The following PPP1R36 variants were observed in gnomAD, a reference collection of about 807,000 sequenced individuals.
PPP1R36 encodes the protein chromosome 14 open reading frame 50.
In PPP1R36, 47 loss-of-function variants were observed where a neutral mutation model predicts 53.4. The ratio of observed to expected loss-of-function variants is 0.88; its 90% CI spans 0.70 to 1.12. PPP1R36 has a LOEUF of 1.12. Among genes scored for constraint, PPP1R36 ranks in the 50% most tolerant of loss-of-function variants. The pLI is 0.00. For missense variants in PPP1R36, 456 were observed against 513.9 expected, an observed-to-expected ratio of 0.89 and a Z score of 1.09; for synonymous variants, 153 against 170.5, an observed-to-expected ratio of 0.90 and a Z score of 0.80.
chr14:64,552,687 CAAAT>C (rs1178229668), intron 2 of PPP1R36, 123 bp from the exon 3 acceptor site: 9 of 676,132 alleles, frequency 1.3e-5, no homozygotes, highest in Admixed American at 2.6e-5. Context: ...GATAATTAAA[CAAAT>C]AATTCAAAGG....
At chr14:64,579,735 C>T (rs887045155) in intron 8 of PPP1R36, among the ~76,000 whole-genome samples, 1 of 152,036 alleles carries the variant, frequency 6.6e-6, no homozygotes, top group Non-Finnish European at 1.5e-5. Flanking sequence ...CTTTGGGAGG[C>T]CGAGGTGAGC....
intron 8 of PPP1R36, among the ~76,000 whole-genome samples, chr14:64,581,063 T>C (rs924010546): frequency 1.1e-4 from 16 of 152,150 alleles, no homozygotes; most frequent in African/African-American, 3.9e-4. Context: ...CTCTGATGGC[T>C]TGTAAGCAAG....
intron 7 of PPP1R36, among the ~76,000 whole-genome samples, chr14:64,570,659 G>A (rs1301717392): frequency 6.6e-6 from 1 of 152,152 alleles, no homozygotes; most frequent in Non-Finnish European, 1.5e-5. Context: ...AGAGCATAGG[G>A]ATAGTAATAG....
At chr14:64,562,180 G>A (rs2080210836) in intron 3 of PPP1R36, among the ~76,000 whole-genome samples, 1 of 152,118 alleles carries the variant, frequency 6.6e-6, no homozygotes, top group Non-Finnish European at 1.5e-5. Flanking sequence ...TCAATTATTG[G>A]CTGGGCGCGG....
chr14:64,582,757 A>G (rs2080399070), intron 8 of PPP1R36, among the ~76,000 whole-genome samples: 1 of 152,166 alleles, frequency 6.6e-6, no homozygotes, highest in South Asian at 2.1e-4. Context: ...GGCTACTAGA[A>G]AATTTAAAAT....
At chr14:64,574,648 GA>G (rs2080329355) in intron 8 of PPP1R36, 59 bp downstream of exon 8, 3 of 1,529,730 alleles carry the variant, frequency 2.0e-6, no homozygotes, top group Non-Finnish European at 2.6e-6. Context: ...ACATCCTTAA[GA>G]TGCTTCCGTT....
chr14:64,566,101 C>G (rs187817929), intron 6 of PPP1R36, among the ~76,000 whole-genome samples: 2 of 152,300 alleles, frequency 1.3e-5, no homozygotes, highest in East Asian at 3.9e-4. Context: ...AACCCCGTCT[C>G]TACTAAAAAT....
intron 10 of PPP1R36, 32 bp downstream of exon 10, chr14:64,587,404 G>T: frequency 3.2e-6 from 4 of 1,254,328 alleles, no homozygotes; most frequent in South Asian, 2.0e-5. Flanking sequence ...ATGCTCAGGG[G>T]TATTTCTTTT....
intron 3 of PPP1R36, among the ~76,000 whole-genome samples, chr14:64,555,342 G>A (rs562555906): frequency 6.6e-6 from 1 of 152,298 alleles, no homozygotes; most frequent in East Asian, 1.9e-4. Flanking sequence ...GTTGTTAGCC[G>A]AAGATTCAAT....
chr14:64,589,093 A>G lies in PPP1R36; in HGVS notation c.1083-59A>G, dbSNP rs1596753801. 4 of 1,301,670 alleles carry G rather than the reference A, an allele frequency of 3.1e-6. No homozygotes were observed. In the South Asian group the frequency reaches 3.9e-5, roughly 13 times the overall value. 80.6% of individuals were successfully genotyped at this position (1,301,670 alleles called of 1,614,324 possible). ...ACACACAACCACAATCACAGTCTCAACCCTGCACGTCAGTCTTTGGCCTCA... is the reference window on the plus strand; with the variant it reads ...ACACACAACCACAATCACAGTCTCAGCCCTGCACGTCAGTCTTTGGCCTCA... On this transcript the variant is annotated intron_variant, in intron 11 of 11. Transcript: ENST00000298705.
chr14:64,587,207 T>C lies in PPP1R36; in HGVS notation c.725T>C (p.Phe242Ser). 1 of 1,606,618 alleles carries C rather than the reference T, an allele frequency of 6.2e-7. No individual in the cohort carries two copies. The highest frequency in any genetic ancestry group is 8.5e-7 in the Non-Finnish European group (1 of 1,177,424). ...DWKFFESFYT[F>S]CTYVAWIVFR... Reference sequence around the variant, plus strand: ...TTTTTGTTGTAGTCCTTTTATACTTTCTGTACATATGTGGCTTGGATTGTC... The same window carrying C: ...TTTTTGTTGTAGTCCTTTTATACTTCCTGTACATATGTGGCTTGGATTGTC... Residue 242 changes from phenylalanine (F) to serine (S), a missense_variant, in exon 10 of 12, where the codon TTC (phenylalanine) becomes TCC (serine). By Grantham distance (155) the Phe-to-Ser change is radical. Coordinates refer to ENST00000298705, the MANE Select transcript of PPP1R36 (RefSeq NM_172365.3).
intron 10 of PPP1R36, 106 bp from the exon 11 acceptor site, chr14:64,587,997 AT>A: frequency 1.9e-6 from 2 of 1,051,202 alleles, no homozygotes; most frequent in Non-Finnish European, 2.7e-6. Context: ...TCCCGCCTTG[AT>A]CTCCCAAAGG....
chr14:64,582,285 T>A (rs2080395352), intron 8 of PPP1R36, among the ~76,000 whole-genome samples: 1 of 152,196 alleles, frequency 6.6e-6, no homozygotes, highest in South Asian at 2.1e-4. Flanking sequence ...AGCACAACTT[T>A]TTTTCTCCCT....
At chr14:64,569,987 C>A (rs1323791958) in intron 7 of PPP1R36, among the ~76,000 whole-genome samples, 1 of 151,798 alleles carries the variant, frequency 6.6e-6, no homozygotes, top group Non-Finnish European at 1.5e-5. Context: ...GATCTGCCTG[C>A]CCCAACCTCC....
intron 7 of PPP1R36, among the ~76,000 whole-genome samples, chr14:64,573,036 A>G (rs2080315142): frequency 6.6e-6 from 1 of 152,110 alleles, no homozygotes; most frequent in African/African-American, 2.4e-5. Flanking sequence ...GACTTCATGG[A>G]GTCAGTCCAA....
At chr14:64,550,140 C>G in intron 1 of PPP1R36, 74 bp downstream of exon 1, 1 of 1,509,250 alleles carries the variant, frequency 6.6e-7, no homozygotes, top group Non-Finnish European at 8.9e-7. Flanking sequence ...ACCGGCGCCG[C>G]GCCCCTCGCC....
At chr14:64,551,569 T>G (rs1287967475) in intron 2 of PPP1R36, 4 of 456,090 alleles carry the variant, frequency 8.8e-6, no homozygotes, top group Non-Finnish European at 1.8e-5. Flanking sequence ...GTGCCAGATA[T>G]TTGCATATTT....
intron 6 of PPP1R36, among the ~76,000 whole-genome samples, chr14:64,566,353 G>T (rs866422102): frequency 4.6e-5 from 7 of 151,188 alleles, no homozygotes; most frequent in Non-Finnish European, 8.8e-5. Context: ...TGAGGCAGGA[G>T]AATCGCTTGA....
chr14:64,561,946 G>A (rs2080208708), intron 3 of PPP1R36: 3 of 399,530 alleles, frequency 7.5e-6, no homozygotes, highest in South Asian at 5.4e-5. Context: ...AACTTGTGTG[G>A]AAGCCAAGAG....
Sources: gnomAD v4.1 joint callset for allele counts (sites outside exome capture counted in the v4.1 genomes callset) on GRCh38, gnomAD v4.1.1 for gene constraint, MANE v1.5 for transcripts, NCBI Gene and HGNC (gene_info 2026-07-23, HGNC 2026-07-21) for gene names.